Variants in ARID5B observed in about 807,000 individuals in gnomAD.
ARID5B encodes the protein AT-rich interaction domain 5B.
ARID5B carries 13 observed loss-of-function variants against 97.2 expected under a neutral mutation model. The ratio of observed to expected loss-of-function variants is 0.13; its 90% confidence interval spans 0.09 to 0.21. The LOEUF is 0.21. Among genes scored for constraint, ARID5B ranks in the 10% least tolerant of loss-of-function variants. The probability of loss-of-function intolerance (pLI) is 1.00; values close to 1 mark genes in which losing one functional copy is unlikely to be tolerated. For missense variants in ARID5B, 1,210 were observed against 1,465.3 expected, an observed-to-expected ratio of 0.83 and a Z score of 2.84; for synonymous variants, 556 against 570.3, an observed-to-expected ratio of 0.97 and a Z score of 0.36.
In ARID5B at chr10:61,940,335, G is replaced by A; in HGVS notation, c.429G>A (p.Leu143=). 6.2e-7 allele frequency: 1 copy of A among 1,614,162 alleles called. No homozygotes were observed. The highest frequency in any genetic ancestry group is 8.5e-7 in the Non-Finnish European group (1 of 1,180,018). ...GAAGGAATGGACAGAAGGAAGCTCT[G>A]CTGAAGTACAGGCAGTCAACCCTAA... ...ALGRNGQKEA[L]LKYRQSTLNS... Residue 143 remains leucine (L), a synonymous_variant, in exon 3 of 10, where the codon CTG becomes CTA. Transcript: ENST00000279873.
intron 2 of ARID5B, among the ~76,000 whole-genome samples, chr10:61,913,959 G>A (rs1044112171): frequency 2.0e-5 from 3 of 152,202 alleles, no homozygotes; most frequent in African/African-American, 4.8e-5. Context: ...CCATGTTGGC[G>A]AGGCTGGTCT....
intron 7 of ARID5B, among the ~76,000 whole-genome samples, chr10:62,061,335 C>T (rs1229366162): frequency 1.3e-5 from 2 of 152,066 alleles, no homozygotes; most frequent in Non-Finnish European, 2.9e-5. Flanking sequence ...ATGGATTATG[C>T]CTTCCAGAAA....
intron 3 of ARID5B, among the ~76,000 whole-genome samples, chr10:61,980,492 A>G (rs1838762534): frequency 6.6e-6 from 1 of 152,170 alleles, no homozygotes; most frequent in Non-Finnish European, 1.5e-5. Flanking sequence ...CTGTGGAACA[A>G]CTGGGAGGGG....
At chr10:62,049,131 T>C in intron 4 of ARID5B, 1 of 1,169,640 alleles carries the variant, frequency 8.5e-7, no homozygotes, top group Non-Finnish European at 1.1e-6. Context: ...CATCGTGCTC[T>C]GACAAGGAGA....
intron 2 of ARID5B, among the ~76,000 whole-genome samples, chr10:61,908,276 T>G (rs1339176765): frequency 6.6e-6 from 1 of 152,234 alleles, no homozygotes; most frequent in Non-Finnish European, 1.5e-5. Flanking sequence ...TAGTTTGCGA[T>G]GTGACCCTTT....
Position 62,092,152 on chromosome 10 carries a change from G to A in ARID5B, c.2689G>A (p.Ala897Thr). 1 of 1,607,516 alleles carries A rather than the reference G, an allele frequency of 6.2e-7. No homozygotes were observed. The change falls in exon 10 of 10, where the codon GCA becomes ACA. Residue 897 changes from alanine (A) to threonine (T), a missense_variant. Around this residue, in one of 8 missense-constraint regions of ARID5B, gnomAD observed 800 missense variants for 839.1 expected, o/e 0.95. Coordinates refer to ENST00000279873, the MANE Select transcript of ARID5B (RefSeq NM_032199.3). Reference protein sequence around the residue: ...LHLQDKKSAAAEAPTDDQPTD... With the variant: ...LHLQDKKSAATEAPTDDQPTD... ...CCTGCAAGACAAAAAGTCGGCGGCA[G>A]CAGAAGCCCCTACGGATGATCAGCC...
At chr10:62,007,259 G>A (rs1839158210) in intron 4 of ARID5B, among the ~76,000 whole-genome samples, 2 of 152,132 alleles carry the variant, frequency 1.3e-5, no homozygotes, top group Non-Finnish European at 2.9e-5. Context: ...GGAACTAGAT[G>A]GATATAAGTT....
At chr10:61,945,943 G>C (rs34287550) in intron 3 of ARID5B, among the ~76,000 whole-genome samples, 2 of 149,086 alleles carry the variant, frequency 1.3e-5, no homozygotes, top group East Asian at 3.9e-4. Flanking sequence ...AAGTCCTTTA[G>C]GTTTTTGCTT....
Position 62,000,318 on chromosome 10 carries a change from T to A in ARID5B, c.730T>A (p.Phe244Ile). 6.3e-7 allele frequency: 1 copy of A among 1,593,624 alleles called. No homozygotes were observed. Among genetic ancestry groups the A allele is most frequent in the Non-Finnish European group, 8.6e-7 (1 of 1,169,498 alleles). The change falls in exon 4 of 10, where the codon TTT becomes ATT. Residue 244 changes from phenylalanine to isoleucine, a missense_variant. This residue lies in a region of ARID5B where 132 missense variants were observed against 156.7 expected (regional missense o/e 0.84). Transcript: ENST00000279873. The surrounding 1 kb of genome is among the most constrained non-coding windows in gnomAD (Gnocchi z 4.4). Reference protein sequence around the residue: ...LIENESICDEFAPNLKGRPRK... With the variant: ...LIENESICDEIAPNLKGRPRK... ...AGAAAACGAGAGTATATGCGATGAG[T>A]TTGGTGAGTCTTTTTTTTTTTTTCC...
At chr10:61,929,426 T>C (rs1023162466) in intron 2 of ARID5B, among the ~76,000 whole-genome samples, 1 of 152,186 alleles carries the variant, frequency 6.6e-6, no homozygotes, top group African/African-American at 2.4e-5. Context: ...TTACCAATGA[T>C]CTGTTACTGG....
intron 4 of ARID5B, among the ~76,000 whole-genome samples, chr10:62,012,367 A>AACAAT: frequency 6.6e-6 from 1 of 151,990 alleles, no homozygotes; most frequent in East Asian, 1.9e-4. Context: ...AACAAAACAA[A>AACAAT]ACAAAAATTA....
Position 61,940,302 on chromosome 10 carries a change from G to A in ARID5B, c.396G>A (p.Glu132=). 3.7e-6 allele frequency: 6 copies of A among 1,614,178 alleles called. No individual in the cohort carries two copies. Among genetic ancestry groups the A allele is most frequent in the Non-Finnish European group, 5.1e-6 (6 of 1,180,022 alleles). Residue 132 remains glutamate (E), a synonymous_variant, in exon 3 of 10, where the codon GAG becomes GAA. Transcript: ENST00000279873. The part of the protein sequence containing the change: ...CGFHAGPVKT[E]ALGRNGQKEA... ...TCCACGCTGGACCAGTGAAAACTGA[G>A]GCCTTGGGAAGGAATGGACAGAAGG...
intron 2 of ARID5B, among the ~76,000 whole-genome samples, chr10:61,906,408 T>A (rs1240790834): frequency 6.6e-6 from 1 of 152,222 alleles, no homozygotes; most frequent in Non-Finnish European, 1.5e-5. Flanking sequence ...GGTAATTGGT[T>A]CTGTTACTGG....
At chr10:61,991,464 C>T (rs1456016881) in intron 3 of ARID5B, among the ~76,000 whole-genome samples, 2 of 152,030 alleles carry the variant, frequency 1.3e-5, no homozygotes, top group Non-Finnish European at 2.9e-5. Flanking sequence ...TTTTAAGATG[C>T]CATTTATATA....
chr10:62,045,902 C>T (rs1043790872), intron 4 of ARID5B, among the ~76,000 whole-genome samples: 1 of 152,178 alleles, frequency 6.6e-6, no homozygotes, highest in Non-Finnish European at 1.5e-5. Flanking sequence ...AAAAGACACA[C>T]GCAACTTGCA....
intron 2 of ARID5B, among the ~76,000 whole-genome samples, chr10:61,915,628 C>T (rs1386529656): frequency 6.6e-6 from 1 of 152,084 alleles, no homozygotes; most frequent in Admixed American, 6.5e-5. Flanking sequence ...ATCTAGACAC[C>T]TGGGGTGCAT....
chr10:62,072,766 G>C (rs1490670276), intron 8 of ARID5B, among the ~76,000 whole-genome samples: 1 of 152,232 alleles, frequency 6.6e-6, no homozygotes, highest in Non-Finnish European at 1.5e-5. Flanking sequence ...CTCTCTCAAT[G>C]TTCAATCAAT....
chr10:62,048,001 A>G lies in ARID5B; in HGVS notation c.734-2887A>G, dbSNP rs892189522. Among the ~76,000 whole-genome samples, 3 of 152,156 alleles carry G rather than the reference A, an allele frequency of 2.0e-5. 1 individual carries two copies. Among genetic ancestry groups the G allele is most frequent in the Admixed American group, 2.0e-4 (3 of 15,268 alleles). ...GTGCATTGCATGTGGGGACTAGATTATAGCCTTACTGAGATACCAAAGGCC... is the reference window on the plus strand; with the variant it reads ...GTGCATTGCATGTGGGGACTAGATTGTAGCCTTACTGAGATACCAAAGGCC... On this transcript the variant is annotated intron_variant, in intron 4 of 9. Coordinates refer to ENST00000279873, the MANE Select transcript of ARID5B (RefSeq NM_032199.3).
At chr10:61,915,016 G>A (rs1219177653) in intron 2 of ARID5B, among the ~76,000 whole-genome samples, 2 of 152,196 alleles carry the variant, frequency 1.3e-5, no homozygotes, top group African/African-American at 4.8e-5. Flanking sequence ...ATATACTGAT[G>A]TATTCTTTAA....
Sources: allele counts gnomAD v4.1 joint callset (sites outside exome capture counted in the v4.1 genomes callset), GRCh38; gene constraint gnomAD v4.1.1; regional missense constraint gnomAD v4.1.1; non-coding constraint Gnocchi (gnomAD v3.1); transcripts MANE v1.5; gene names NCBI Gene and HGNC (gene_info 2026-07-23, HGNC 2026-07-21).